Variants in KLC2 observed in about 807,000 individuals in gnomAD.
KLC2 encodes the protein KLC 2.
In KLC2, 35 loss-of-function variants were observed where a neutral mutation model predicts 75.1. That is an observed-to-expected ratio of 0.47 (90% CI 0.36 to 0.62). The LOEUF is 0.62. Among genes scored for constraint, KLC2 ranks in the 20% least tolerant of loss-of-function variants. The probability of loss-of-function intolerance (pLI) is 0.00; values close to 1 mark genes in which losing one functional copy is unlikely to be tolerated. For missense variants in KLC2, 611 were observed against 833.2 expected (o/e 0.73, Z 3.28); for synonymous variants, 314 against 336.7 (o/e 0.93, Z 0.74).
rs368636845 is a variant in KLC2, at chr11:66,266,994, G to A, written c.*38G>A. 6.8e-6 allele frequency: 11 copies of A among 1,607,210 alleles called. 1 individual carries two copies. The African/African-American group carries it at 1.5e-4, about 21-fold the overall frequency. On this transcript the variant is annotated 3_prime_UTR_variant, in exon 16 of 16. Coordinates refer to ENST00000394067, the MANE Select transcript of KLC2 (RefSeq NM_001318734.2). ...AGCCAGTCACCAGAGCGCCCACCTG[G>A]CACACCCCCCTCACCCCAGCCCTGC...
the KLC2 span, among the ~76,000 whole-genome samples, chr11:66,251,952 G>A: frequency 6.6e-5 from 10 of 152,170 alleles, no homozygotes; most frequent in African/African-American, 1.9e-4. Context: ...CCTCCCCACC[G>A]TGTGGGAGAG....
At chr11:66,251,870 C>G in the KLC2 span, among the ~76,000 whole-genome samples, 2 of 152,238 alleles carry the variant, frequency 1.3e-5, no homozygotes, top group African/African-American at 4.8e-5. Context: ...AGTGCTATTC[C>G]AACTGGAAGT....
chr11:66,244,016 AGT>A, the KLC2 span: 1 of 152,038 alleles, frequency 6.6e-6, no homozygotes, highest in Non-Finnish European at 1.5e-5. Flanking sequence ...GTGTGTCCTG[AGT>A]GTTTCTTTGG....
intron 2 of KLC2, 134 bp downstream of exon 2, chr11:66,258,956 A>G: frequency 1.6e-6 from 1 of 644,386 alleles, no homozygotes; most frequent in Non-Finnish European, 2.7e-6. Context: ...GACCCCAGTA[A>G]ATACCTTTTG....
At chr11:66,266,322 T>C in intron 14 of KLC2, 105 bp downstream of exon 14, 1 of 1,492,250 alleles carries the variant, frequency 6.7e-7, no homozygotes, top group African/African-American at 1.4e-5. Flanking sequence ...CCCATCCCTC[T>C]CAGGCTCCAC....
In KLC2 at chr11:66,261,530, C is replaced by A. The variant is rs2134810893; in HGVS notation, c.229-212C>A. ...GATCCTAGAAGGAAGGAACTGGGGA[C>A]TCCCAAGCCTCCTGGGTTTGGGCTT... On this transcript the variant is annotated intron_variant, in intron 2 of 15. Transcript: ENST00000394067. The A allele has an allele frequency of 5.5e-6, 3 of 542,832 alleles. No homozygotes were observed. In the East Asian group the frequency reaches 8.7e-5, roughly 16 times the overall value. The allele number at this position is 542,832 out of a possible 1,614,324, so 33.6% of individuals were successfully genotyped here.
In KLC2 at chr11:66,265,915, G is replaced by C. The variant is rs139714613; in HGVS notation, c.1505G>C (p.Arg502Pro). The C allele has an allele frequency of 7.6e-6, 12 of 1,584,056 alleles. No homozygotes were observed. The highest frequency in any genetic ancestry group is 1.7e-5 in the Admixed American group (1 of 57,984). Reference protein sequence around the residue: ...VELLKDGSGRRGDRRSSRDMA... With the variant: ...VELLKDGSGRPGDRRSSRDMA... Reference sequence around the variant, plus strand: ...CTGCTGAAAGATGGCAGTGGCAGGCGGGGAGACCGCCGCAGCAGCCGAGAC... The same window carrying C: ...CTGCTGAAAGATGGCAGTGGCAGGCCGGGAGACCGCCGCAGCAGCCGAGAC... The change falls in exon 13 of 16, where the codon CGG becomes CCG. Residue 502 changes from arginine to proline, a missense_variant. Transcript: ENST00000394067.
At position 66,261,891 on chromosome 11, in the gene KLC2, C is replaced by T. The variant is rs560416574; in HGVS notation, c.378C>T (p.Ala126=). Residue 126 remains alanine, a synonymous_variant, in exon 3 of 16, where the codon GCC becomes GCT. Coordinates refer to ENST00000394067, the MANE Select transcript of KLC2 (RefSeq NM_001318734.2). ...AGAAGCTGCAGCGCAGTGAGCAGGC[C>T]GTGGCCCAGCTCGAGGAGGAGAAGC... ...TQQKLQRSEQ[A]VAQLEEEKQH... The T allele has an allele frequency of 2.4e-5, 39 of 1,614,196 alleles. No individual in the cohort carries two copies. Among genetic ancestry groups the T allele is most frequent in the Admixed American group, 1.0e-4 (6 of 60,024 alleles).
In KLC2 at chr11:66,263,729, G is replaced by A. The variant is rs779606184; in HGVS notation, c.822G>A (p.Leu274=). The change falls in exon 6 of 16, where the codon CTG becomes CTA. Residue 274 remains leucine, a synonymous_variant. Coordinates refer to ENST00000394067, the MANE Select transcript of KLC2 (RefSeq NM_001318734.2). ...NDALAIREKT[L]GKDHPAVAAT... ...CTCTGGCCATCCGGGAGAAAACACT[G>A]GGCAAGGACCACCCAGCCGTGAGTG... 1.2e-6 allele frequency: 2 copies of A among 1,613,848 alleles called. No individual in the cohort carries two copies. Among genetic ancestry groups the A allele is most frequent in the East Asian group, 4.5e-5 (2 of 44,880 alleles).
Position 66,267,738 on chromosome 11 carries a change from C to G in KLC2, c.*782C>G, listed in dbSNP as rs970334456. The G allele has an allele frequency of 1.1e-5, 5 of 468,738 alleles. No homozygotes were observed. Among genetic ancestry groups the G allele is most frequent in the African/African-American group, 8.2e-5 (4 of 48,796 alleles). The allele number at this position is 468,738 out of a possible 1,614,324, so 29.0% of individuals were successfully genotyped here. A position where few individuals can be genotyped will look rare whatever the true frequency, so the allele number is the denominator to read the frequency against. ...CCTGCCTCGCCTCCCCCCACGCCTG[C>G]AGCTTCTCGCGAGGGGCGGCGACGG... is the stretch of plus-strand genomic sequence containing the variant. On this transcript the variant is annotated 3_prime_UTR_variant, in exon 16 of 16. Coordinates refer to ENST00000394067, the MANE Select transcript of KLC2 (RefSeq NM_001318734.2).
chr11:66,246,424 A>G, the KLC2 span, among the ~76,000 whole-genome samples: 4 of 152,014 alleles, frequency 2.6e-5, no homozygotes, highest in Non-Finnish European at 4.4e-5. Context: ...ATCTGACACC[A>G]TATCCTCAGC....
At chr11:66,263,535 C>T in intron 5 of KLC2, 125 bp from the exon 6 acceptor site, 1 of 672,188 alleles carries the variant, frequency 1.5e-6, no homozygotes, top group Non-Finnish European at 2.6e-6. Flanking sequence ...CAGGTCTCCC[C>T]ACACTCTGGG....
rs755306783 is a variant in KLC2 at position 66,264,187 on chromosome 11, G to A, written c.1084G>A (p.Asp362Asn). The change falls in exon 8 of 16, where the codon GAC (aspartate) becomes AAC (asparagine). Residue 362 changes from aspartate to asparagine, a missense_variant. Asp to Asn is a conservative substitution (Grantham distance 23). Transcript: ENST00000394067. ...CTATGCTACACGCCTCGGGCCCGATGACCCCAATGTGGCCAAGACCAAGAA... is the reference window on the plus strand; with the variant it reads ...CTATGCTACACGCCTCGGGCCCGATAACCCCAATGTGGCCAAGACCAAGAA... ...EIYATRLGPD[D>N]PNVAKTKNNL... 1 of 1,571,754 alleles carries A rather than the reference G, an allele frequency of 6.4e-7. No homozygotes were observed. The highest frequency in any genetic ancestry group is 1.2e-5 in the South Asian group (1 of 86,560).
At chr11:66,256,210 T>C (rs1856030045), upstream of KLC2, among the ~76,000 whole-genome samples, 1 of 152,126 alleles carries the variant, frequency 6.6e-6, no homozygotes, top group Admixed American at 6.5e-5. Context: ...GGGCAACATA[T>C]TGAGACCCTG....
chr11:66,264,314 C>T (rs758985308), intron 8 of KLC2, 31 bp from the exon 9 acceptor site: 8 of 1,592,840 alleles, frequency 5.0e-6, no homozygotes, highest in African/African-American at 1.3e-5. Flanking sequence ...CTGCATGCAT[C>T]CCGCTCACTC....
At position 66,267,051 on chromosome 11, in the gene KLC2, T is replaced by A; in HGVS notation, c.*95T>A. ...GCCTGCTGCTTGTCCCGCCTGTCTC[T>A]CCCACAGCCCCTGTCTTTTCTGTTC... On this transcript the variant is annotated 3_prime_UTR_variant, in exon 16 of 16. Transcript: ENST00000394067. 6.3e-7 allele frequency: 1 copy of A among 1,581,336 alleles called. No individual in the cohort carries two copies. Among genetic ancestry groups the A allele is most frequent in the East Asian group, 2.3e-5 (1 of 43,310 alleles).
upstream of KLC2, among the ~76,000 whole-genome samples, chr11:66,254,664 T>TAA (rs34541214): frequency 0.18 from 18,930 of 107,682 alleles, 1,922 homozygotes; most frequent in East Asian, 0.26. Context: ...CCTCGGCTCT[T>TAA]AAAAAAAAAA....
At chr11:66,252,940 G>A (rs1184221986), upstream of KLC2, among the ~76,000 whole-genome samples, 2 of 151,954 alleles carry the variant, frequency 1.3e-5, no homozygotes, top group East Asian at 3.9e-4. Context: ...GGAAGCTCAG[G>A]AAGCTGGGGA....
chr11:66,253,247 AC>A (rs1855978186), upstream of KLC2, among the ~76,000 whole-genome samples: 1 of 151,980 alleles, frequency 6.6e-6, no homozygotes, highest in South Asian at 2.1e-4. Context: ...GGGATTACAG[AC>A]GTGGGCCACT....
Sources: allele counts gnomAD v4.1 joint callset (sites outside exome capture counted in the v4.1 genomes callset), GRCh38; gene constraint gnomAD v4.1.1; transcripts MANE v1.5; gene names NCBI Gene and HGNC (gene_info 2026-07-23, HGNC 2026-07-21).